WDR86: variants seen among roughly 807,000 people sequenced by gnomAD.
WDR86 encodes WD repeat-containing protein 86.
In WDR86, 30 loss-of-function variants were observed where a neutral mutation model predicts 36.5. That is an observed-to-expected ratio of 0.82 (90% CI 0.61 to 1.11). The LOEUF (loss-of-function observed/expected upper bound fraction) is 1.11, where lower values mean the gene tolerates loss of function less well. WDR86 is among the 50% of genes most tolerant of loss of function. The pLI, the probability that WDR86 is intolerant of heterozygous loss-of-function variation, is 0.00. For missense variants in WDR86, 545 were observed against 561.2 expected (o/e 0.97, Z 0.29); for synonymous variants, 255 against 252.9 (o/e 1.01, Z -0.08).
At chr7:151,375,890 A>G, downstream of WDR86, 2 of 1,613,578 alleles carry the variant, frequency 1.2e-6, no homozygotes, top group Non-Finnish European at 1.7e-6. Flanking sequence ...AAATGATTCC[A>G]ATCCTGAAAC....
chr7:151,408,617 C>T, intron 1 of WDR86: 2 of 263,058 alleles, frequency 7.6e-6, no homozygotes, highest in Non-Finnish European at 1.5e-5. Flanking sequence ...TGGAAAAGCC[C>T]GCGGTGATAA....
chr7:151,407,025 C>CT (rs1800755105), intron 1 of WDR86, among the ~76,000 whole-genome samples: 1 of 152,350 alleles, frequency 6.6e-6, no homozygotes, highest in Middle Eastern at 3.4e-3. Context: ...CACAATGACT[C>CT]TTTTGCAAGT....
At chr7:151,377,317 G>GAATT (rs2150730435), downstream of WDR86, 1 of 709,948 alleles carries the variant, frequency 1.4e-6, no homozygotes, top group East Asian at 4.5e-5. Context: ...CTTTTTATCT[G>GAATT]AATTACAAGT....
chr7:151,381,783 T>C lies in WDR86; in HGVS notation c.967-37A>G. The C allele has an allele frequency of 1.8e-6, 2 of 1,096,122 alleles. No individual in the cohort carries two copies. Among genetic ancestry groups the C allele is most frequent in the South Asian group, 3.0e-5 (2 of 66,714 alleles). The allele number at this position is 1,096,122 out of a possible 1,614,324, so 67.9% of individuals were successfully genotyped here. ...GGGGCGGGCGTCACCGGTGACGCGG[T>C]AGGCGGGGGGGACACCGCTGCCCGC... On this transcript the variant is annotated intron_variant, in intron 5 of 5. Coordinates refer to ENST00000334493, the MANE Select transcript of WDR86 (RefSeq NM_198285.3). This position sits in a 1 kb window ranked among gnomAD's most constrained non-coding sequence, Gnocchi z 4.8.
chr7:151,383,915 C>T (rs1176770461), intron 4 of WDR86, among the ~76,000 whole-genome samples: 2 of 152,236 alleles, frequency 1.3e-5, no homozygotes, highest in African/African-American at 2.4e-5. Context: ...GTGTTCTAGG[C>T]GGCCGCCGGC....
downstream of WDR86, among the ~76,000 whole-genome samples, chr7:151,372,003 C>T (rs777582054): frequency 3.5e-4 from 54 of 152,360 alleles, no homozygotes; most frequent in Non-Finnish European, 6.8e-4. Flanking sequence ...CCACTGCACC[C>T]AGCCTTTAAT....
At chr7:151,399,976 C>A (rs1261881653) in intron 2 of WDR86, 124 bp downstream of exon 2, 1 of 914,976 alleles carries the variant, frequency 1.1e-6, no homozygotes, top group African/African-American at 1.7e-5. Flanking sequence ...TCCCAGCTGT[C>A]CACGTTTTTG....
chr7:151,407,190 C>T (rs916746283), intron 1 of WDR86, among the ~76,000 whole-genome samples: 3 of 152,242 alleles, frequency 2.0e-5, no homozygotes, highest in African/African-American at 7.2e-5. Flanking sequence ...GCGGGGATAG[C>T]CCTGCCCTCA....
In WDR86 at chr7:151,381,501, C is replaced by A; in HGVS notation, c.*81G>T. ...TCCTCGCCCCTCGCCGGCCATCGGG[C>A]GCCACCACCGCGGGTAGCAGGGCGG... On this transcript the variant is annotated 3_prime_UTR_variant, in exon 6 of 6. Coordinates refer to ENST00000334493, the MANE Select transcript of WDR86 (RefSeq NM_198285.3). This position sits in a 1 kb window ranked among gnomAD's most constrained non-coding sequence, Gnocchi z 4.8. The A allele has an allele frequency of 6.9e-7, 1 of 1,453,872 alleles. No homozygotes were observed. 90.1% of individuals were successfully genotyped at this position (1,453,872 alleles called of 1,614,324 possible). A position where few individuals can be genotyped will look rare whatever the true frequency, so the allele number is the denominator to read the frequency against.
rs55941776 is a variant in WDR86 at position 151,406,191 on chromosome 7, C to G, written c.163+3236G>C. 6.6e-6 allele frequency among the ~76,000 whole-genome samples: 1 copy of G among 152,106 alleles called. No homozygotes were observed. The highest frequency in any genetic ancestry group is 1.5e-5 in the Non-Finnish European group (1 of 68,010). ...CACCCACAGGGAGGGGCTCCCCACA[C>G]GCCGGTTCTGCAGCCCACTCTCCCT... On this transcript the variant is annotated intron_variant, in intron 1 of 5. Transcript: ENST00000334493. This position sits in a 1 kb window ranked among gnomAD's most constrained non-coding sequence, Gnocchi z 4.4.
At chr7:151,391,749 T>G (rs568705152) in intron 3 of WDR86, among the ~76,000 whole-genome samples, 1 of 152,296 alleles carries the variant, frequency 6.6e-6, no homozygotes, top group South Asian at 2.1e-4. Context: ...TAGAAGGTGC[T>G]GGACGATTAG....
chr7:151,399,587 A>G (rs915302618), intron 2 of WDR86, among the ~76,000 whole-genome samples: 2 of 152,250 alleles, frequency 1.3e-5, no homozygotes, highest in Non-Finnish European at 2.9e-5. Context: ...GCTCAGACCC[A>G]AATTCATTGA....
At chr7:151,402,070 A>AAAAAATATATATATATATAT in intron 1 of WDR86, among the ~76,000 whole-genome samples, 10 of 50,528 alleles carry the variant, frequency 2.0e-4, no homozygotes, top group African/African-American at 3.5e-4. Context: ...AAAAAAAAAA[A>AAAAAATATATATATATATAT]ATATATATAT....
chr7:151,395,661 C>T, intron 3 of WDR86, 115 bp downstream of exon 3: 2 of 1,287,666 alleles, frequency 1.6e-6, no homozygotes, highest in Non-Finnish European at 1.0e-6. Context: ...CTTGCCAGGC[C>T]CCCATCTGCA....
chr7:151,371,438 A>T (rs1797955286), downstream of WDR86, among the ~76,000 whole-genome samples: 1 of 144,848 alleles, frequency 6.9e-6, no homozygotes, highest in Non-Finnish European at 1.5e-5. Context: ...CCTCAGGGAA[A>T]ATCCTGAGCT....
At chr7:151,400,780 T>C (rs1004046479) in intron 1 of WDR86, among the ~76,000 whole-genome samples, 2 of 152,344 alleles carry the variant, frequency 1.3e-5, no homozygotes, top group Non-Finnish European at 1.5e-5. Context: ...GAAGTAACCA[T>C]GTCCTCAGGA....
Position 151,409,883 on chromosome 7 carries a change from G to A in WDR86, c.-294C>T, listed in dbSNP as rs1801085723. On this transcript the variant is annotated 5_prime_UTR_variant, in exon 1 of 6. Coordinates refer to ENST00000334493, the MANE Select transcript of WDR86 (RefSeq NM_198285.3). The surrounding 1 kb of genome is among the most constrained non-coding windows in gnomAD (Gnocchi z 5.2). Reference sequence around the variant, plus strand: ...AGAACCCCCTTCCCAGCACCGCTCGGAGGATCCACACCCCACCGGGCGAAC... The same window carrying A: ...AGAACCCCCTTCCCAGCACCGCTCGAAGGATCCACACCCCACCGGGCGAAC... 3.5e-6 allele frequency: 4 copies of A among 1,158,374 alleles called. No individual in the cohort carries two copies. The highest frequency in any genetic ancestry group is 4.7e-5 in the Admixed American group (1 of 21,294). 71.8% of individuals were successfully genotyped at this position (1,158,374 alleles called of 1,614,324 possible).
chr7:151,402,507 C>A (rs1800415926), intron 1 of WDR86, among the ~76,000 whole-genome samples: 1 of 152,192 alleles, frequency 6.6e-6, no homozygotes, highest in African/African-American at 2.4e-5. Flanking sequence ...ACCCCACTGG[C>A]AGCGGCTGGC....
At chr7:151,382,074 G>T in intron 4 of WDR86, 93 bp from the exon 5 acceptor site, 1 of 1,115,236 alleles carries the variant, frequency 9.0e-7, no homozygotes, top group Non-Finnish European at 1.3e-6. Flanking sequence ...GGGCGTCTCC[G>T]AGACTCCGCC....
Sources: gnomAD v4.1 joint callset for allele counts (sites outside exome capture counted in the v4.1 genomes callset) on GRCh38, gnomAD v4.1.1 for gene constraint, Gnocchi (gnomAD v3.1) non-coding constraint, MANE v1.5 for transcripts, NCBI Gene and HGNC (gene_info 2026-07-23, HGNC 2026-07-21) for gene names.